Variants in CSMD1 observed in about 807,000 individuals in gnomAD.
The protein encoded by CSMD1 is CUB and Sushi multiple domains 1.
A neutral mutation model predicts 417.5 loss-of-function variants in CSMD1; 213 were observed. That is an observed-to-expected ratio of 0.51 (90% CI 0.46 to 0.57). CSMD1 has a LOEUF of 0.57. CSMD1 is among the 20% of genes least tolerant of loss of function. The pLI is 0.00. For missense variants in CSMD1, 6,923 were observed against 4,529.7 expected, an observed-to-expected ratio of 1.53 and a Z score of -15.17; for synonymous variants, 2,862 against 1,736.8, an observed-to-expected ratio of 1.65 and a Z score of -16.11.
chr8:4,044,916 A>T (rs965646311), intron 3 of CSMD1, among the ~76,000 whole-genome samples: 1 of 143,382 alleles, frequency 7.0e-6, no homozygotes, highest in African/African-American at 2.6e-5. Flanking sequence ...ACAAAAAGTT[A>T]AATTTAAAAA....
Position 3,351,212 on chromosome 8 carries a change from A to C in CSMD1, c.3305-3051T>G, listed in dbSNP as rs539718824. Among the ~76,000 whole-genome samples, 84 of 152,334 alleles carry C rather than the reference A, an allele frequency of 5.5e-4. 1 individual carries two copies. Among genetic ancestry groups the C allele is most frequent in the Middle Eastern group, 6.8e-3 (2 of 294 alleles). On this transcript the variant is annotated intron_variant, in intron 21 of 69. Transcript: ENST00000635120. Reference sequence around the variant, plus strand: ...TGAATATACATGACCAAAACACTTAAATGTACAAAGGTAGGATTTCATTAC... The same window carrying C: ...TGAATATACATGACCAAAACACTTACATGTACAAAGGTAGGATTTCATTAC...
chr8:3,844,099 C>T (rs772570970), intron 5 of CSMD1, among the ~76,000 whole-genome samples: 5 of 152,128 alleles, frequency 3.3e-5, no homozygotes, highest in Non-Finnish European at 7.4e-5. Flanking sequence ...CCTGCCCCTC[C>T]TACCATTTTT....
chr8:4,924,658 G>T (rs1230817811), intron 1 of CSMD1, among the ~76,000 whole-genome samples: 1 of 124,886 alleles, frequency 8.0e-6, no homozygotes, highest in Non-Finnish European at 1.6e-5. Flanking sequence ...GGAGGTGGAG[G>T]TTGCAGTGAG....
intron 26 of CSMD1, among the ~76,000 whole-genome samples, chr8:3,251,878 TG>T (rs1250301770): frequency 6.6e-6 from 1 of 152,208 alleles, no homozygotes; most frequent in East Asian, 1.9e-4. Context: ...CTGTTGTTGG[TG>T]TATAAGAATG....
chr8:3,003,103 C>A (rs889927140), intron 52 of CSMD1, among the ~76,000 whole-genome samples: 1 of 152,132 alleles, frequency 6.6e-6, no homozygotes. Context: ...TTAAAACATT[C>A]AAAATCTTTG....
intron 49 of CSMD1, among the ~76,000 whole-genome samples, chr8:3,070,422 A>AACAT (rs1280150863): frequency 6.6e-6 from 1 of 152,172 alleles, no homozygotes; most frequent in Admixed American, 6.5e-5. Context: ...CCTGTATTTG[A>AACAT]ACATAGGCTG....
intron 4 of CSMD1, among the ~76,000 whole-genome samples, chr8:4,008,592 C>CTTTTT (rs1201409236): frequency 1.2e-5 from 1 of 86,590 alleles, no homozygotes; most frequent in African/African-American, 4.3e-5. Context: ...TATTTTCTTT[C>CTTTTT]TTTTTTTCTT....
chr8:3,222,781 A>C (rs1184111223), intron 28 of CSMD1, among the ~76,000 whole-genome samples: 2 of 152,218 alleles, frequency 1.3e-5, no homozygotes, highest in East Asian at 1.9e-4. Flanking sequence ...AATTTGTGGC[A>C]GTTTAGTAAA....
chr8:3,867,774 G>A (rs1425252632), intron 5 of CSMD1, among the ~76,000 whole-genome samples: 1 of 152,120 alleles, frequency 6.6e-6, no homozygotes, highest in Non-Finnish European at 1.5e-5. Flanking sequence ...GGGCCAGGCA[G>A]CTTCCTGTAT....
intron 5 of CSMD1, among the ~76,000 whole-genome samples, chr8:3,844,899 A>T (rs558287214): frequency 3.7e-5 from 5 of 134,714 alleles, no homozygotes; most frequent in African/African-American, 1.9e-4. Flanking sequence ...TCTTGTCAAT[A>T]TTTGTCTGTG....
At position 3,326,346 on chromosome 8, in the gene CSMD1, C is replaced by T. The variant is rs190818826; in HGVS notation, c.3631+16948G>A. ...CACTGTCTTTTCTTACAATGGTCAT[C>T]GTGGTACCTTCCACCTTCCTCCCTT... is the stretch of plus-strand genomic sequence containing the variant. On this transcript the variant is annotated intron_variant, in intron 23 of 69. Transcript: ENST00000635120. Among the ~76,000 whole-genome samples, 313 of 152,290 alleles carry T rather than the reference C, an allele frequency of 2.1e-3. 3 individuals are homozygous for T. The highest frequency in any genetic ancestry group is 7.2e-3 in the African/African-American group (301 of 41,558).
chr8:3,192,185 C>G (rs1285024982), intron 33 of CSMD1, among the ~76,000 whole-genome samples: 1 of 152,154 alleles, frequency 6.6e-6, no homozygotes, highest in Non-Finnish European at 1.5e-5. Flanking sequence ...TCTAACAGCA[C>G]TGATGTGGAA....
chr8:3,893,363 T>TATATATATATATATATATATATATATA lies in CSMD1; in HGVS notation c.818+104539_818+104540insTATATATATATATATATATATATATAT, dbSNP rs1563185043. ...TTTATATATATATATATATATATAT[T>TATATATATATATATATATATATATATA]ATTTTTTTTCTTAGAGGGTCATCAA... On this transcript the variant is annotated intron_variant, in intron 5 of 69. Coordinates refer to ENST00000635120, the MANE Select transcript of CSMD1 (RefSeq NM_033225.6). Among the ~76,000 whole-genome samples the TATATATATATATATATATATATATATA allele has an allele frequency of 7.6e-4, 22 of 28,808 alleles. 2 individuals carry two copies. Among genetic ancestry groups the TATATATATATATATATATATATATATA allele is most frequent in the South Asian group, 1.9e-3 (1 of 536 alleles). The allele number at this position is 28,808 out of a possible 152,430, so 18.9% of individuals were successfully genotyped here.
Position 3,784,356 on chromosome 8 carries a change from A to T in CSMD1, c.819-30314T>A, listed in dbSNP as rs1449502537. Among the ~76,000 whole-genome samples the T allele has an allele frequency of 3.3e-5, 5 of 152,206 alleles. No individual in the cohort carries two copies. The East Asian group carries it at 9.6e-4, about 29-fold the overall frequency. On this transcript the variant is annotated intron_variant, in intron 5 of 69. Transcript: ENST00000635120. ...AATTAAAAGTTGTTCTATTGAAAAA[A>T]TGGAGAAAACAATGAGAAATCACAC...
intron 2 of CSMD1, among the ~76,000 whole-genome samples, chr8:4,449,628 C>G (rs1490477657): frequency 6.6e-6 from 1 of 152,126 alleles, no homozygotes; most frequent in Non-Finnish European, 1.5e-5. Flanking sequence ...CAGAATACAT[C>G]TTGGAGCAAT....
intron 3 of CSMD1, among the ~76,000 whole-genome samples, chr8:4,340,114 T>C (rs1283807049): frequency 1.3e-5 from 2 of 152,154 alleles, no homozygotes; most frequent in Non-Finnish European, 1.5e-5. Context: ...TTAGAAGTTT[T>C]GTTAATCTCT....
chr8:3,846,471 C>A (rs1224530456), intron 5 of CSMD1, among the ~76,000 whole-genome samples: 2 of 152,140 alleles, frequency 1.3e-5, no homozygotes, highest in Admixed American at 6.5e-5. Flanking sequence ...ACCTTCCTCT[C>A]AGTTTTTTCA....
chr8:3,214,384 T>C (rs955397558), intron 30 of CSMD1, 113 bp downstream of exon 30: 2 of 891,748 alleles, frequency 2.2e-6, no homozygotes, highest in Non-Finnish European at 3.3e-6. Context: ...CTCTAAGCAA[T>C]CCTCACCACC....
intron 10 of CSMD1, among the ~76,000 whole-genome samples, chr8:3,506,415 G>A (rs1481671521): frequency 2.6e-5 from 4 of 152,098 alleles, no homozygotes; most frequent in African/African-American, 7.2e-5. Context: ...GTGTAGAGAG[G>A]AGAAGGTGCC....
Sources: gnomAD v4.1 joint callset for allele counts (sites outside exome capture counted in the v4.1 genomes callset) on GRCh38, gnomAD v4.1.1 for gene constraint, MANE v1.5 for transcripts, NCBI Gene and HGNC (gene_info 2026-07-23, HGNC 2026-07-21) for gene names.